The following CEP63 variants were observed in gnomAD, a reference collection of about 807,000 sequenced individuals.
CEP63 encodes the protein centrosomal protein of 63 kDa.
A neutral mutation model predicts 89.1 loss-of-function variants in CEP63; 84 were observed. The observed-to-expected ratio is 0.94, with a 90% CI of 0.79 to 1.13. The LOEUF is 1.13. Among genes scored for constraint, CEP63 ranks in the 50% most tolerant of loss-of-function variants. The probability of loss-of-function intolerance (pLI) is 0.00; values close to 1 mark genes in which losing one functional copy is unlikely to be tolerated. For missense variants in CEP63, 838 were observed against 813.3 expected, an observed-to-expected ratio of 1.03 and a Z score of -0.37; for synonymous variants, 267 against 272.5, an observed-to-expected ratio of 0.98 and a Z score of 0.20.
intron 14 of CEP63, among the ~76,000 whole-genome samples, chr3:134,560,179 T>C (rs1577439491): frequency 1.3e-5 from 2 of 152,342 alleles, no homozygotes; most frequent in East Asian, 1.9e-4. Context: ...TGAACTGATG[T>C]GTTAGTATGT....
Position 134,559,296 on chromosome 3 carries a change from G to A in CEP63, c.1820G>A (p.Ser607Asn). The A allele has an allele frequency of 6.8e-6, 11 of 1,614,152 alleles. No homozygotes were observed. Among genetic ancestry groups the A allele is most frequent in the Non-Finnish European group, 9.3e-6 (11 of 1,180,024 alleles). The change falls in exon 14 of 15, where the codon AGC becomes AAC. Residue 607 changes from serine (S) to asparagine (N), a missense_variant. Coordinates refer to ENST00000675561, the MANE Select transcript of CEP63 (RefSeq NM_001353108.3). ...CTGAGTCCTCAAATCAGCCCTTGCA[G>A]CTCCACCAGGTCTTTGACTTCCTAC... ...SPLSPQISPC[S>N]STRSLTSYSL...
chr3:134,653,723 C>CT, the CEP63 span, among the ~76,000 whole-genome samples: 9 of 152,210 alleles, frequency 5.9e-5, no homozygotes, highest in Non-Finnish European at 7.3e-5. Context: ...GGCTGTATCC[C>CT]TTCTGCTCAA....
chr3:134,593,835 A>G, the CEP63 span, among the ~76,000 whole-genome samples: 2 of 152,200 alleles, frequency 1.3e-5, no homozygotes, highest in African/African-American at 4.8e-5. Flanking sequence ...GCCAGAGTGG[A>G]TGCCCTCCCA....
chr3:134,560,654 C>G (rs1289401288), intron 14 of CEP63, among the ~76,000 whole-genome samples: 2 of 152,102 alleles, frequency 1.3e-5, no homozygotes, highest in African/African-American at 4.8e-5. Context: ...TCATGTCTCT[C>G]ATGTGAAATA....
chr3:134,712,711 G>A, the CEP63 span, among the ~76,000 whole-genome samples: 1 of 152,170 alleles, frequency 6.6e-6, no homozygotes, highest in South Asian at 2.1e-4. Flanking sequence ...ATTTCTCACT[G>A]GCTGCGTGTG....
the CEP63 span, among the ~76,000 whole-genome samples, chr3:134,661,908 T>G: frequency 6.6e-6 from 1 of 152,060 alleles, no homozygotes; most frequent in South Asian, 2.1e-4. Flanking sequence ...GCTGGATCCC[T>G]CACAGATAGA....
At chr3:134,604,403 G>T in the CEP63 span, 1 of 1,613,982 alleles carries the variant, frequency 6.2e-7, no homozygotes, top group African/African-American at 1.3e-5. Context: ...CCATGCTCTT[G>T]CTTGCCATTG....
the CEP63 span, among the ~76,000 whole-genome samples, chr3:134,678,690 AG>A: frequency 2.0e-5 from 3 of 152,228 alleles, no homozygotes; most frequent in African/African-American, 7.2e-5. Context: ...AGGCACAAGG[AG>A]GCTAAGCAAC....
the CEP63 span, among the ~76,000 whole-genome samples, chr3:134,760,306 G>A: frequency 2.0e-5 from 3 of 152,062 alleles, no homozygotes; most frequent in South Asian, 4.1e-4. Flanking sequence ...TGATCCGCCC[G>A]CCTCGGCCTC....
At chr3:134,597,390 A>G in the CEP63 span, among the ~76,000 whole-genome samples, 19 of 152,172 alleles carry the variant, frequency 1.2e-4, no homozygotes, top group Admixed American at 1.2e-3. Flanking sequence ...TGGATCCCAG[A>G]TGGCTTTGGG....
At chr3:134,531,450 G>T (rs950178687) in intron 3 of CEP63, among the ~76,000 whole-genome samples, 3 of 152,254 alleles carry the variant, frequency 2.0e-5, no homozygotes, top group South Asian at 4.1e-4. Flanking sequence ...AGGTGTGGTG[G>T]CATGCGCCTG....
the CEP63 span, among the ~76,000 whole-genome samples, chr3:134,593,866 C>T: frequency 6.6e-6 from 1 of 152,186 alleles, no homozygotes. Context: ...AACGTGTTCT[C>T]TCCACTGTGT....
At chr3:134,734,790 G>T in the CEP63 span, among the ~76,000 whole-genome samples, 3 of 152,110 alleles carry the variant, frequency 2.0e-5, no homozygotes, top group Non-Finnish European at 2.9e-5. Flanking sequence ...AAGACAGAGG[G>T]TTAGGTTCTT....
downstream of CEP63, among the ~76,000 whole-genome samples, chr3:134,565,429 C>G (rs935562152): frequency 6.6e-6 from 1 of 152,074 alleles, no homozygotes; most frequent in African/African-American, 2.4e-5. Context: ...GCAAAACACT[C>G]GAGTCCAGTA....
chr3:134,764,031 G>A, the CEP63 span, among the ~76,000 whole-genome samples: 49 of 152,330 alleles, frequency 3.2e-4, no homozygotes, highest in African/African-American at 1.0e-3. Context: ...CTGTTGGCAT[G>A]AAGAATTTCT....
chr3:134,604,045 G>A, the CEP63 span: 1 of 1,614,008 alleles, frequency 6.2e-7, no homozygotes, highest in Non-Finnish European at 8.5e-7. Flanking sequence ...GCGCCGCTGT[G>A]TCTCCTCAGT....
chr3:134,531,465 C>T (rs1456042586), intron 3 of CEP63, among the ~76,000 whole-genome samples: 3 of 152,098 alleles, frequency 2.0e-5, no homozygotes, highest in Non-Finnish European at 4.4e-5. Context: ...CGCCTGTAAT[C>T]CCAGCTACTT....
At chr3:134,740,994 A>T in the CEP63 span, among the ~76,000 whole-genome samples, 1 of 152,278 alleles carries the variant, frequency 6.6e-6, no homozygotes, top group Non-Finnish European at 1.5e-5. Flanking sequence ...GTTACTCATC[A>T]ACCCTCTCTG....
the CEP63 span, among the ~76,000 whole-genome samples, chr3:134,756,542 T>C: frequency 3.9e-5 from 6 of 152,050 alleles, no homozygotes; most frequent in Admixed American, 3.9e-4. Flanking sequence ...TTTTTAGACA[T>C]GGGGTTTTGA....
Sources: gnomAD v4.1 joint callset for allele counts (sites outside exome capture counted in the v4.1 genomes callset) on GRCh38, gnomAD v4.1.1 for gene constraint, MANE v1.5 for transcripts, NCBI Gene and HGNC (gene_info 2026-07-23, HGNC 2026-07-21) for gene names.